Variants in SLIT3 observed in about 807,000 individuals in gnomAD.
SLIT3 encodes the protein slit guidance ligand 3, also known as slit homolog 3 protein.
Under a neutral mutation model 184.0 loss-of-function variants are expected in SLIT3, and 68 were observed. The ratio of observed to expected loss-of-function variants is 0.37; its 90% CI spans 0.30 to 0.45. SLIT3 has a LOEUF of 0.45. Among genes scored for constraint, SLIT3 ranks in the 20% least tolerant of loss-of-function variants. SLIT3 has a pLI of 1.00. For synonymous variants in SLIT3, 831 were observed against 828.6 expected, an observed-to-expected ratio of 1.00 and a Z score of -0.05; for missense variants, 1,707 against 2,026.0, an observed-to-expected ratio of 0.84 and a Z score of 3.02.
chr5:169,182,245 A>G lies in SLIT3; in HGVS notation c.413+11234T>C, dbSNP rs148194237. 2.2e-3 allele frequency among the ~76,000 whole-genome samples: 330 copies of G among 152,358 alleles called. 2 individuals carry two copies. Among genetic ancestry groups the G allele is most frequent in the African/African-American group, 7.5e-3 (312 of 41,592 alleles). The stretch of plus-strand genomic sequence containing the variant: ...ATCAGAATATTATTCTAAACCATGA[A>G]TCAAAAACTCAGGTCCAGCTCACCA... On this transcript the variant is annotated intron_variant, in intron 4 of 35. Coordinates refer to ENST00000519560, the MANE Select transcript of SLIT3 (RefSeq NM_003062.4).
intron 4 of SLIT3, among the ~76,000 whole-genome samples, chr5:169,098,736 G>A (rs770415076): frequency 2.5e-4 from 38 of 152,202 alleles, no homozygotes; most frequent in Admixed American, 1.2e-3. Flanking sequence ...TTGATCATAC[G>A]TCTCCTTTAC....
intron 32 of SLIT3, among the ~76,000 whole-genome samples, chr5:168,682,441 G>T (rs1761619143): frequency 6.6e-6 from 1 of 152,208 alleles, no homozygotes; most frequent in South Asian, 2.1e-4. Flanking sequence ...GGTGTGTTGG[G>T]GCCAACCCCT....
chr5:168,680,099 C>A (rs1761536461), intron 32 of SLIT3, among the ~76,000 whole-genome samples: 1 of 152,258 alleles, frequency 6.6e-6, no homozygotes, highest in Admixed American at 6.5e-5. Context: ...TCTGCTGGAG[C>A]TGAGGTCAGC....
At chr5:168,828,960 C>G (rs1270465324) in intron 6 of SLIT3, among the ~76,000 whole-genome samples, 1 of 152,164 alleles carries the variant, frequency 6.6e-6, no homozygotes, top group Non-Finnish European at 1.5e-5. Context: ...TGGTGTTTCC[C>G]CACTTAGGAA....
chr5:169,203,239 G>A (rs1763958905), intron 3 of SLIT3, among the ~76,000 whole-genome samples: 1 of 152,124 alleles, frequency 6.6e-6, no homozygotes, highest in South Asian at 2.1e-4. Context: ...ATGGGTCTCT[G>A]GGGAGCCCCA....
At chr5:169,237,088 C>T (rs1765226841) in intron 3 of SLIT3, among the ~76,000 whole-genome samples, 1 of 152,124 alleles carries the variant, frequency 6.6e-6, no homozygotes, top group African/African-American at 2.4e-5. Context: ...GAGTACAGTT[C>T]TTCTGTGCAG....
chr5:169,128,007 A>G (rs1761145765), intron 4 of SLIT3, among the ~76,000 whole-genome samples: 1 of 152,136 alleles, frequency 6.6e-6, no homozygotes, highest in African/African-American at 2.4e-5. Flanking sequence ...AAGGCATTAA[A>G]AACTTACCAA....
At chr5:169,113,734 C>A (rs1304390113) in intron 4 of SLIT3, among the ~76,000 whole-genome samples, 1 of 149,306 alleles carries the variant, frequency 6.7e-6, no homozygotes, top group African/African-American at 2.5e-5. Context: ...CGGCTCACTG[C>A]AACATCTGAC....
intron 14 of SLIT3, among the ~76,000 whole-genome samples, chr5:168,765,914 C>T (rs777214606): frequency 1.3e-5 from 2 of 152,028 alleles, no homozygotes; most frequent in South Asian, 2.1e-4. Flanking sequence ...CACAGACAAG[C>T]TTTAATAGAC....
At chr5:168,879,197 C>T (rs1197063478) in intron 5 of SLIT3, among the ~76,000 whole-genome samples, 1 of 152,158 alleles carries the variant, frequency 6.6e-6, no homozygotes, top group Non-Finnish European at 1.5e-5. Flanking sequence ...CTGGATATGC[C>T]AGCAGTTTAT....
At chr5:169,260,808 T>C (rs1272233841) in intron 1 of SLIT3, among the ~76,000 whole-genome samples, 1 of 152,230 alleles carries the variant, frequency 6.6e-6, no homozygotes, top group Non-Finnish European at 1.5e-5. Context: ...CTATAAACAA[T>C]AGTGGCGTGG....
intron 29 of SLIT3, among the ~76,000 whole-genome samples, chr5:168,692,340 G>C (rs935976776): frequency 1.3e-5 from 2 of 152,178 alleles, no homozygotes; most frequent in Admixed American, 1.3e-4. Flanking sequence ...GCAGGGAAGA[G>C]AAAGAGTGGA....
chr5:169,048,891 A>G (rs566293447), intron 4 of SLIT3, among the ~76,000 whole-genome samples: 3 of 152,284 alleles, frequency 2.0e-5, no homozygotes, highest in Non-Finnish European at 4.4e-5. Flanking sequence ...TCTTCTTGAA[A>G]TATGGAGTTT....
intron 3 of SLIT3, among the ~76,000 whole-genome samples, chr5:169,212,732 G>C (rs1205261755): frequency 2.0e-5 from 3 of 152,062 alleles, no homozygotes; most frequent in African/African-American, 7.2e-5. Flanking sequence ...AAGTTTTCTT[G>C]CAGGGTTTTT....
intron 35 of SLIT3, among the ~76,000 whole-genome samples, chr5:168,669,370 C>T (rs9313421): frequency 0.04 from 6,150 of 152,242 alleles, 407 homozygotes; most frequent in African/African-American, 0.14. Flanking sequence ...TGGGACCTCC[C>T]GCCAACACCC....
At chr5:168,976,844 C>T (rs62377253) in intron 4 of SLIT3, among the ~76,000 whole-genome samples, 9,626 of 152,236 alleles carry the variant, frequency 0.063, 358 homozygotes, top group African/African-American at 0.095. Context: ...TCTCTTATTC[C>T]TTCTGCATTC....
intron 23 of SLIT3, among the ~76,000 whole-genome samples, chr5:168,714,460 G>A (rs1762656266): frequency 1.3e-5 from 2 of 152,132 alleles, no homozygotes; most frequent in Admixed American, 1.3e-4. Context: ...GTGGGCGCCT[G>A]TAATCCCAGC....
At chr5:169,079,817 G>A (rs1581385158) in intron 4 of SLIT3, among the ~76,000 whole-genome samples, 1 of 51,628 alleles carries the variant, frequency 1.9e-5, no homozygotes, top group East Asian at 6.1e-4. Context: ...AAGGGGAAGA[G>A]GAGGAGGGAG....
chr5:168,783,390 G>A (rs990057147), intron 12 of SLIT3, among the ~76,000 whole-genome samples: 1 of 151,652 alleles, frequency 6.6e-6, no homozygotes, highest in African/African-American at 2.4e-5. Context: ...GACTGGGCAA[G>A]TTTGATAGGA....
Sources: allele counts gnomAD v4.1 joint callset (sites outside exome capture counted in the v4.1 genomes callset), GRCh38; gene constraint gnomAD v4.1.1; transcripts MANE v1.5; gene names NCBI Gene and HGNC (gene_info 2026-07-23, HGNC 2026-07-21).